Variants in MMP26 observed in about 807,000 individuals in gnomAD.
MMP26 encodes the protein matrix metalloproteinase-26.
MMP26 carries 33 observed loss-of-function variants against 31.0 expected under a neutral mutation model. That is an observed-to-expected ratio of 1.06 (90% CI 0.81 to 1.42). The LOEUF (loss-of-function observed/expected upper bound fraction) is 1.42. Ranked by LOEUF, MMP26 falls within the 40% of genes most tolerant of loss-of-function variation. The pLI is 0.00. For synonymous variants in MMP26, 122 were observed against 114.9 expected, an observed-to-expected ratio of 1.06 and a Z score of -0.40; for missense variants, 347 against 316.1, an observed-to-expected ratio of 1.10 and a Z score of -0.74.
chr11:4,705,017 C>T lies in MMP26; in HGVS notation c.-245C>T, dbSNP rs562773324. On this transcript the variant is annotated 5_prime_UTR_variant, in exon 1 of 8. Coordinates refer to ENST00000380390, the MANE Select transcript of MMP26 (RefSeq NM_021801.5). The stretch of plus-strand genomic sequence containing the variant: ...AGGGGGCAGGATCAAATAACCTCAC[C>T]TTCCAGACCCAAGAATTCTGTGCAC... 1.3e-5 allele frequency: 2 copies of T among 152,260 alleles called. No individual in the cohort carries two copies. Among genetic ancestry groups the T allele is most frequent in the Admixed American group, 1.3e-4 (2 of 15,288 alleles). 9.4% of individuals were successfully genotyped at this position (152,260 alleles called of 1,614,324 possible). A position where few individuals can be genotyped will look rare whatever the true frequency, so the allele number is the denominator to read the frequency against.
At chr11:4,928,745 AG>A (rs1160040887) in intron 2 of MMP26, among the ~76,000 whole-genome samples, 2 of 152,172 alleles carry the variant, frequency 1.3e-5, no homozygotes, top group Non-Finnish European at 2.9e-5. Context: ...GTTCTGCTGC[AG>A]CTTCATCTAG....
intron 1 of MMP26, among the ~76,000 whole-genome samples, chr11:4,714,301 A>G (rs1847897493): frequency 6.6e-6 from 1 of 152,086 alleles, no homozygotes. Flanking sequence ...TATTCTGAGG[A>G]GGTTTGATTG....
At position 4,988,330 on chromosome 11, in the gene MMP26, C is replaced by A; in HGVS notation, c.99+20C>A. 6.3e-7 allele frequency: 1 copy of A among 1,586,366 alleles called. No homozygotes were observed. ...GTTGAGGTAGGTGAACGACTCAGGA[C>A]CACATTATTACATGGTGACCATTGT... is the stretch of plus-strand genomic sequence containing the variant. On this transcript the variant is annotated intron_variant, in intron 3 of 7. Coordinates refer to ENST00000380390, the MANE Select transcript of MMP26 (RefSeq NM_021801.5).
In MMP26 at chr11:4,755,516, T is replaced by C. The variant is rs141784126; in HGVS notation, c.-216-11754T>C. Reference sequence around the variant, plus strand: ...TTAGTCTTGTATCAGACATCTCATCTCAAGAAAAAGTAGCCAAAAATAATG... The same window carrying C: ...TTAGTCTTGTATCAGACATCTCATCCCAAGAAAAAGTAGCCAAAAATAATG... On this transcript the variant is annotated intron_variant, in intron 1 of 7. Transcript: ENST00000380390. Among the ~76,000 whole-genome samples, 134 of 152,152 alleles carry C rather than the reference T, an allele frequency of 8.8e-4. 1 individual carries two copies. The highest frequency in any genetic ancestry group is 2.9e-3 in the Admixed American group (45 of 15,282).
At position 4,991,949 on chromosome 11, in the gene MMP26, TC is replaced by T; in HGVS notation, c.596-14del. The T allele has an allele frequency of 6.4e-7, 1 of 1,569,214 alleles. No individual in the cohort carries two copies. Among genetic ancestry groups the T allele is most frequent in the Non-Finnish European group, 8.6e-7 (1 of 1,164,692 alleles). Reference sequence around the variant, plus strand: ...CATAGTTAATTTTATCTTTTTTTTTTCTATAATTTTTCAGGATATAATCTGT... The same window carrying T: ...CATAGTTAATTTTATCTTTTTTTTTTTATAATTTTTCAGGATATAATCTGT... On this transcript the variant is annotated splice_polypyrimidine_tract_variant and intron_variant, in intron 6 of 7. Transcript: ENST00000380390.
intron 2 of MMP26, among the ~76,000 whole-genome samples, chr11:4,828,359 CTA>C (rs957930571): frequency 2.0e-5 from 3 of 152,100 alleles, no homozygotes; most frequent in Non-Finnish European, 2.9e-5. Context: ...GTCCTCTGAG[CTA>C]TAAGCTCAAT....
At position 4,723,010 on chromosome 11, in the gene MMP26, C is replaced by G. The variant is rs1589883622; in HGVS notation, c.-217+17965C>G. ...GGCTCTCCTCGCCATCCAGCAGCTT[C>G]CTGTAGGTGGCGATCTCGATATCCA... On this transcript the variant is annotated intron_variant, in intron 1 of 7. Coordinates refer to ENST00000380390, the MANE Select transcript of MMP26 (RefSeq NM_021801.5). The G allele has an allele frequency of 8.7e-6, 8 of 914,592 alleles. No homozygotes were observed. The South Asian group carries it at 1.0e-4, about 12-fold the overall frequency. 56.7% of individuals were successfully genotyped at this position (914,592 alleles called of 1,614,324 possible).
chr11:4,871,545 A>T (rs1341816621), intron 2 of MMP26, among the ~76,000 whole-genome samples: 1 of 152,080 alleles, frequency 6.6e-6, no homozygotes, highest in Admixed American at 6.6e-5. Context: ...GAATAAGACA[A>T]AGTAGACTAG....
chr11:4,705,047 T>G lies in MMP26; in HGVS notation c.-217+2T>G, dbSNP rs1414740340. On this transcript the variant is annotated splice_donor_variant, in intron 1 of 7. Coordinates refer to ENST00000380390, the MANE Select transcript of MMP26 (RefSeq NM_021801.5). LOFTEE classifies it low-confidence loss of function (5UTR_SPLICE). Reference sequence around the variant, plus strand: ...AGACCCAAGAATTCTGTGCACAAGGTCAGTGTTGTAGTGCATTGAAGACAG... The same window carrying G: ...AGACCCAAGAATTCTGTGCACAAGGGCAGTGTTGTAGTGCATTGAAGACAG... 6.6e-6 allele frequency: 1 copy of G among 152,172 alleles called. No individual in the cohort carries two copies. The highest frequency in any genetic ancestry group is 1.5e-5 in the Non-Finnish European group (1 of 68,046). The allele number at this position is 152,172 out of a possible 1,614,324, so 9.4% of individuals were successfully genotyped here.
intron 2 of MMP26, among the ~76,000 whole-genome samples, chr11:4,856,184 T>A (rs1448469634): frequency 6.6e-6 from 1 of 152,200 alleles, no homozygotes; most frequent in Non-Finnish European, 1.5e-5. Flanking sequence ...AATAACCAGC[T>A]AACATCATAA....
At chr11:4,871,201 GCA>G (rs1850305782) in intron 2 of MMP26, among the ~76,000 whole-genome samples, 1 of 152,162 alleles carries the variant, frequency 6.6e-6, no homozygotes, top group Non-Finnish European at 1.5e-5. Flanking sequence ...GGTGACATCT[GCA>G]CATACTGTTT....
chr11:4,896,314 T>C (rs1163843554), intron 2 of MMP26, among the ~76,000 whole-genome samples: 2 of 152,106 alleles, frequency 1.3e-5, no homozygotes, highest in Admixed American at 1.3e-4. Context: ...CCAAGACTTT[T>C]ATCTACACAC....
chr11:4,979,645 A>G (rs1345607837), intron 2 of MMP26, among the ~76,000 whole-genome samples: 1 of 152,092 alleles, frequency 6.6e-6, no homozygotes, highest in Non-Finnish European at 1.5e-5. Context: ...GGCTGATGAA[A>G]CTTAGCATCA....
chr11:4,942,017 A>T (rs1218401401), intron 2 of MMP26, among the ~76,000 whole-genome samples: 2 of 146,556 alleles, frequency 1.4e-5, no homozygotes, highest in Non-Finnish European at 3.0e-5. Flanking sequence ...CCCGGGAGGC[A>T]GAGGTTGCAG....
chr11:4,960,170 T>C (rs1846501553), intron 2 of MMP26, among the ~76,000 whole-genome samples: 1 of 152,054 alleles, frequency 6.6e-6, no homozygotes, highest in African/African-American at 2.4e-5. Context: ...TAAATAGTGT[T>C]GAACAGAAAG....
intron 2 of MMP26, among the ~76,000 whole-genome samples, chr11:4,969,320 T>C (rs1362879646): frequency 1.3e-5 from 2 of 152,040 alleles, no homozygotes; most frequent in Non-Finnish European, 2.9e-5. Context: ...CTTAAACTTA[T>C]GCTTAGTAAT....
At chr11:4,861,469 G>GTGTGTATATATATGTATATA (rs1368800593) in intron 2 of MMP26, among the ~76,000 whole-genome samples, 4 of 151,432 alleles carry the variant, frequency 2.6e-5, no homozygotes, top group Non-Finnish European at 5.9e-5. Context: ...TCATATGTGT[G>GTGTGTATATATATGTATATA]TGTGTATATA....
chr11:4,789,163 A>C (rs1164345874), intron 2 of MMP26, among the ~76,000 whole-genome samples: 2 of 152,180 alleles, frequency 1.3e-5, no homozygotes, highest in Non-Finnish European at 2.9e-5. Context: ...ACATGTGGGG[A>C]TGTTGAATAT....
At chr11:4,902,561 C>T (rs936068826) in intron 2 of MMP26, among the ~76,000 whole-genome samples, 9 of 152,222 alleles carry the variant, frequency 5.9e-5, no homozygotes, top group African/African-American at 1.9e-4. Context: ...TATTGTTTGA[C>T]ACACTTTTTA....
Sources: allele counts gnomAD v4.1 joint callset (sites outside exome capture counted in the v4.1 genomes callset), GRCh38; gene constraint gnomAD v4.1.1; transcripts MANE v1.5; gene names NCBI Gene and HGNC (gene_info 2026-07-23, HGNC 2026-07-21).